The following ASTN2 variants were observed in gnomAD, a reference collection of about 807,000 sequenced individuals.
ASTN2 encodes the protein astrotactin-2.
In ASTN2, 54 loss-of-function variants were observed where a neutral mutation model predicts 139.8. The observed-to-expected ratio is 0.39, with a 90% CI of 0.31 to 0.48. ASTN2 has a LOEUF of 0.48. Among genes scored for constraint, ASTN2 ranks in the 20% least tolerant of loss-of-function variants. The probability of loss-of-function intolerance (pLI) is 0.95; values close to 1 mark genes in which losing one functional copy is unlikely to be tolerated. For missense variants in ASTN2, 1,565 were observed against 1,725.1 expected, an observed-to-expected ratio of 0.91 and a Z score of 1.64; for synonymous variants, 756 against 719.5, an observed-to-expected ratio of 1.05 and a Z score of -0.81.
At chr9:117,349,748 T>A (rs1008252476) in intron 1 of ASTN2, among the ~76,000 whole-genome samples, 1 of 152,088 alleles carries the variant, frequency 6.6e-6, no homozygotes, top group African/African-American at 2.4e-5. Context: ...CCCAAATAAA[T>A]GATGAAGACT....
intron 2 of ASTN2, among the ~76,000 whole-genome samples, chr9:117,248,469 A>G (rs1588131316): frequency 6.6e-6 from 1 of 152,346 alleles, no homozygotes; most frequent in South Asian, 2.1e-4. Context: ...TAGTGCATAC[A>G]ATATAAGGCT....
At chr9:116,977,193 T>C (rs4836924) in intron 7 of ASTN2, among the ~76,000 whole-genome samples, 36,063 of 152,172 alleles carry the variant, frequency 0.24, 4,823 homozygotes, top group Admixed American at 0.34. Flanking sequence ...TTGAATTATC[T>C]CCATCTGAAT....
chr9:117,391,699 A>G (rs1178111092), intron 1 of ASTN2, among the ~76,000 whole-genome samples: 1 of 152,178 alleles, frequency 6.6e-6, no homozygotes, highest in East Asian at 1.9e-4. Context: ...CCTTCCCAAC[A>G]GTCCCCCAAA....
At chr9:117,162,636 G>A (rs548243182) in intron 3 of ASTN2, among the ~76,000 whole-genome samples, 7 of 152,082 alleles carry the variant, frequency 4.6e-5, no homozygotes, top group Admixed American at 1.3e-4. Context: ...TCCTAGCCTC[G>A]GTTTCTGTAT....
chr9:116,567,226 A>G lies in ASTN2; in HGVS notation c.3355+51098T>C, dbSNP rs568265917. Among the ~76,000 whole-genome samples the G allele has an allele frequency of 7.4e-4, 112 of 152,304 alleles. 1 individual carries two copies. The South Asian group carries it at 9.7e-3, about 13-fold the overall frequency. On this transcript the variant is annotated intron_variant, in intron 19 of 22. Coordinates refer to ENST00000313400, the MANE Select transcript of ASTN2 (RefSeq NM_001365068.1). ...ATACTTCCACCCTGGCCAATTTCAC[A>G]CTACCACTGTGATTTACCTGAACGT...
chr9:116,841,413 T>C (rs536764068), intron 11 of ASTN2, among the ~76,000 whole-genome samples: 15 of 152,172 alleles, frequency 9.9e-5, no homozygotes, highest in Admixed American at 3.9e-4. Context: ...TCTAATTTTA[T>C]TTTTATTTTT....
At chr9:116,807,436 C>T (rs112476453) in intron 12 of ASTN2, among the ~76,000 whole-genome samples, 1,983 of 152,262 alleles carry the variant, frequency 0.013, 25 homozygotes, top group Non-Finnish European at 0.022. Context: ...TAATCCCTGG[C>T]GTACTGCACT....
At chr9:117,289,544 A>C (rs1834533539) in intron 2 of ASTN2, among the ~76,000 whole-genome samples, 1 of 152,222 alleles carries the variant, frequency 6.6e-6, no homozygotes, top group Non-Finnish European at 1.5e-5. Flanking sequence ...GGTTACAAGA[A>C]GGATACATGC....
chr9:117,043,589 C>T (rs552428680), intron 5 of ASTN2, among the ~76,000 whole-genome samples: 2 of 152,270 alleles, frequency 1.3e-5, no homozygotes, highest in South Asian at 2.1e-4. Context: ...TCATTTAAAA[C>T]ATCACAGTAA....
In ASTN2 at chr9:116,548,241, G is replaced by A. The variant is rs560665747; in HGVS notation, c.3356-60741C>T. On this transcript the variant is annotated intron_variant, in intron 19 of 22. Transcript: ENST00000313400. ...CTCCTGCCTGGCTCCATCAGAGGCC[G>A]TGGCATTTGCTTAAGGTGATTCAAA... Among the ~76,000 whole-genome samples the A allele has an allele frequency of 1.8e-4, 27 of 152,286 alleles. 1 individual carries two copies. The South Asian group carries it at 3.9e-3, about 22-fold the overall frequency.
chr9:117,036,278 G>A (rs961945528), intron 6 of ASTN2, among the ~76,000 whole-genome samples: 2 of 152,204 alleles, frequency 1.3e-5, no homozygotes, highest in Non-Finnish European at 2.9e-5. Context: ...TGGAGACTAA[G>A]ATACTGTGGA....
At chr9:116,463,987 A>G (rs1848575032) in intron 20 of ASTN2, among the ~76,000 whole-genome samples, 1 of 146,264 alleles carries the variant, frequency 6.8e-6, no homozygotes, top group African/African-American at 2.5e-5. Flanking sequence ...GTCTCAAGTG[A>G]TCTTCCCACC....
chr9:116,946,135 C>T (rs1262878294), intron 10 of ASTN2, among the ~76,000 whole-genome samples: 6 of 152,198 alleles, frequency 3.9e-5, no homozygotes, highest in African/African-American at 1.4e-4. Context: ...AGTCACCTTC[C>T]ACCAGGTCCC....
intron 10 of ASTN2, among the ~76,000 whole-genome samples, chr9:116,897,183 C>T (rs2132398044): frequency 1.3e-5 from 2 of 152,314 alleles, no homozygotes; most frequent in Admixed American, 1.3e-4. Flanking sequence ...CAGGTGACAG[C>T]TGTCAAGGAC....
intron 17 of ASTN2, among the ~76,000 whole-genome samples, chr9:116,624,395 A>T (rs759220037): frequency 1.4e-4 from 22 of 152,170 alleles, no homozygotes; most frequent in Non-Finnish European, 2.4e-4. Context: ...CAAGTCACTA[A>T]CTTCAAAGGA....
intron 6 of ASTN2, among the ~76,000 whole-genome samples, chr9:117,036,396 T>C (rs1701757205): frequency 6.6e-6 from 1 of 152,210 alleles, no homozygotes. Context: ...ATTTTCTTAT[T>C]TTCTGGATGC....
At chr9:117,124,556 G>T (rs551018257) in intron 4 of ASTN2, among the ~76,000 whole-genome samples, 2 of 152,172 alleles carry the variant, frequency 1.3e-5, no homozygotes, top group South Asian at 2.1e-4. Flanking sequence ...AACTTAAATG[G>T]TATCTTTTAG....
At chr9:116,828,442 T>C (rs1831707149) in intron 11 of ASTN2, among the ~76,000 whole-genome samples, 1 of 151,820 alleles carries the variant, frequency 6.6e-6, no homozygotes, top group Admixed American at 6.6e-5. Context: ...ATACATCACA[T>C]AAACAGAATT....
chr9:116,561,560 A>T (rs2131663786), intron 19 of ASTN2, among the ~76,000 whole-genome samples: 1 of 152,334 alleles, frequency 6.6e-6, no homozygotes, highest in Middle Eastern at 3.4e-3. Context: ...TACCAAAGAG[A>T]AAAACAGAAA....
Sources: gnomAD v4.1 joint callset for allele counts (sites outside exome capture counted in the v4.1 genomes callset) on GRCh38, gnomAD v4.1.1 for gene constraint, MANE v1.5 for transcripts, NCBI Gene and HGNC (gene_info 2026-07-23, HGNC 2026-07-21) for gene names.